The following LRMDA variants were observed in gnomAD, a reference collection of about 807,000 sequenced individuals.
LRMDA encodes leucine-rich melanocyte differentiation-associated protein.
In LRMDA, 18 loss-of-function variants were observed where a neutral mutation model predicts 29.8. The ratio of observed to expected loss-of-function variants is 0.60; its 90% CI spans 0.42 to 0.90. The LOEUF is 0.90. LRMDA is among the 40% of genes least tolerant of loss of function. The pLI is 0.00. For synonymous variants in LRMDA, 125 were observed against 109.4 expected, an observed-to-expected ratio of 1.14 and a Z score of -0.89; for missense variants, 273 against 273.9, an observed-to-expected ratio of 1.00 and a Z score of 0.02.
chr10:76,201,009 G>T (rs1415182680), intron 5 of LRMDA, among the ~76,000 whole-genome samples: 4 of 149,140 alleles, frequency 2.7e-5, no homozygotes, highest in African/African-American at 9.8e-5. Flanking sequence ...GAGCCACCAT[G>T]CCTGGCCAAT....
chr10:76,170,269 C>G (rs1340733194), intron 5 of LRMDA, among the ~76,000 whole-genome samples: 1 of 152,172 alleles, frequency 6.6e-6, no homozygotes, highest in East Asian at 1.9e-4. Flanking sequence ...CTCATCTAAC[C>G]AACTGCTCAG....
At chr10:76,189,448 G>A (rs535782519) in intron 5 of LRMDA, among the ~76,000 whole-genome samples, 76 of 152,218 alleles carry the variant, frequency 5.0e-4, no homozygotes, top group African/African-American at 1.8e-3. Context: ...CACAAATCTT[G>A]GAATCAGGTT....
intron 2 of LRMDA, among the ~76,000 whole-genome samples, chr10:75,843,157 C>T (rs902690283): frequency 6.6e-6 from 1 of 152,146 alleles, no homozygotes; most frequent in African/African-American, 2.4e-5. Context: ...AAAAAATAGG[C>T]TTTTAAGAAT....
intron 5 of LRMDA, among the ~76,000 whole-genome samples, chr10:76,061,034 G>A (rs1467257203): frequency 3.9e-5 from 6 of 152,038 alleles, no homozygotes; most frequent in Admixed American, 2.6e-4. Flanking sequence ...TATACTGAAA[G>A]GAATATAAAT....
intron 2 of LRMDA, among the ~76,000 whole-genome samples, chr10:75,660,169 A>G (rs967530172): frequency 5.3e-5 from 8 of 152,326 alleles, no homozygotes; most frequent in African/African-American, 9.6e-5. Flanking sequence ...TATTGCACAC[A>G]TCTGTAATTA....
At chr10:76,218,130 G>A (rs571677721) in intron 5 of LRMDA, among the ~76,000 whole-genome samples, 1 of 152,334 alleles carries the variant, frequency 6.6e-6, no homozygotes, top group East Asian at 1.9e-4. Context: ...TGGAACGTGT[G>A]TATTTGGAGT....
At chr10:75,682,215 T>C (rs1159474628) in intron 2 of LRMDA, among the ~76,000 whole-genome samples, 1 of 152,174 alleles carries the variant, frequency 6.6e-6, no homozygotes, top group East Asian at 1.9e-4. Flanking sequence ...TGTGAACGCT[T>C]TGAGAGCGAA....
chr10:75,915,400 T>C (rs1396666031), intron 2 of LRMDA, among the ~76,000 whole-genome samples: 1 of 152,134 alleles, frequency 6.6e-6, no homozygotes, highest in East Asian at 1.9e-4. Flanking sequence ...CCTCCCAAAG[T>C]GCTAGGATTA....
chr10:75,914,096 G>A lies in LRMDA; in HGVS notation c.132-121912G>A, dbSNP rs117588428. ...AATGAAGTGATATCATCCGAAAAAA[G>A]CCTGCGAAAAGCAACCATGGTGAGA... On this transcript the variant is annotated intron_variant, in intron 2 of 6. Coordinates refer to ENST00000611255, the MANE Select transcript of LRMDA (RefSeq NM_001305581.2). 4.0e-3 allele frequency among the ~76,000 whole-genome samples: 606 copies of A among 152,328 alleles called. 4 individuals carry two copies. Among genetic ancestry groups the A allele is most frequent in the Non-Finnish European group, 7.1e-3 (486 of 68,034 alleles).
chr10:75,784,870 A>G (rs1843446055), intron 2 of LRMDA, among the ~76,000 whole-genome samples: 1 of 152,192 alleles, frequency 6.6e-6, no homozygotes, highest in African/African-American at 2.4e-5. Flanking sequence ...ATTTTGAGCT[A>G]GGCTGATTCC....
At chr10:75,876,179 G>A (rs1157805876) in intron 2 of LRMDA, among the ~76,000 whole-genome samples, 2 of 152,360 alleles carry the variant, frequency 1.3e-5, no homozygotes, top group East Asian at 3.9e-4. Context: ...AGAGAAGCAG[G>A]TGCAGCTGAG....
intron 5 of LRMDA, among the ~76,000 whole-genome samples, chr10:76,156,564 A>G (rs1004770681): frequency 7.4e-5 from 7 of 94,026 alleles, no homozygotes; most frequent in Non-Finnish European, 9.7e-5. Flanking sequence ...AGAGTTGCTG[A>G]AAAAAAAAAT....
intron 6 of LRMDA, among the ~76,000 whole-genome samples, chr10:76,378,375 T>C (rs1841546833): frequency 1.3e-5 from 2 of 152,166 alleles, no homozygotes; most frequent in South Asian, 4.1e-4. Context: ...ATGCCTTTTA[T>C]TTATTTCTTT....
chr10:76,165,998 G>C (rs1024901430), intron 5 of LRMDA, among the ~76,000 whole-genome samples: 2 of 152,134 alleles, frequency 1.3e-5, no homozygotes, highest in African/African-American at 4.8e-5. Flanking sequence ...ATATTCAGTG[G>C]GAATACAGAG....
intron 2 of LRMDA, among the ~76,000 whole-genome samples, chr10:75,916,992 G>T (rs1258027672): frequency 1.3e-5 from 2 of 152,158 alleles, no homozygotes; most frequent in African/African-American, 4.8e-5. Flanking sequence ...GGGGCTTGTT[G>T]ACCTTATGTT....
chr10:75,939,199 C>T (rs1184745288), intron 2 of LRMDA, among the ~76,000 whole-genome samples: 1 of 152,148 alleles, frequency 6.6e-6, no homozygotes, highest in Non-Finnish European at 1.5e-5. Flanking sequence ...GTGTGGGAAC[C>T]AGATGCAAAT....
chr10:76,073,898 C>T (rs1230785856), intron 5 of LRMDA, among the ~76,000 whole-genome samples: 2 of 152,180 alleles, frequency 1.3e-5, no homozygotes, highest in South Asian at 4.1e-4. Flanking sequence ...TAGGGAATTA[C>T]GGGTTCCCTA....
At chr10:76,320,724 CA>C (rs1840760933) in intron 5 of LRMDA, among the ~76,000 whole-genome samples, 1 of 152,176 alleles carries the variant, frequency 6.6e-6, no homozygotes, top group Non-Finnish European at 1.5e-5. Context: ...AATATTTTGA[CA>C]TTTGTTTTAA....
At chr10:76,402,044 T>C (rs1319737704) in intron 6 of LRMDA, among the ~76,000 whole-genome samples, 4 of 152,100 alleles carry the variant, frequency 2.6e-5, no homozygotes, top group Admixed American at 6.5e-5. Flanking sequence ...AATGAGGTGA[T>C]ATGCTGGTGA....
Sources: gnomAD v4.1 joint callset for allele counts (sites outside exome capture counted in the v4.1 genomes callset) on GRCh38, gnomAD v4.1.1 for gene constraint, MANE v1.5 for transcripts, NCBI Gene and HGNC (gene_info 2026-07-23, HGNC 2026-07-21) for gene names.